Variants in IQUB observed in about 807,000 individuals in gnomAD.
The protein encoded by IQUB is IQ motif and ubiquitin-like domain-containing protein.
In IQUB, 86 loss-of-function variants were observed where a neutral mutation model predicts 86.4. The ratio of observed to expected loss-of-function variants is 1.00; its 90% CI spans 0.84 to 1.19. The LOEUF is 1.19. Among genes scored for constraint, IQUB ranks in the 50% most tolerant of loss-of-function variants. The probability of loss-of-function intolerance (pLI) is 0.00; values close to 1 mark genes in which losing one functional copy is unlikely to be tolerated. For missense variants in IQUB, 946 were observed against 916.9 expected (o/e 1.03, Z -0.41); for synonymous variants, 289 against 304.5 (o/e 0.95, Z 0.53).
At chr7:123,469,959 C>T (rs757734042) in intron 8 of IQUB, among the ~76,000 whole-genome samples, 39 of 152,250 alleles carry the variant, frequency 2.6e-4, no homozygotes, top group African/African-American at 5.1e-4. Flanking sequence ...GTGGTTCCTG[C>T]CTCCCTGATG....
At chr7:123,523,453 G>A (rs1797012084) in intron 1 of IQUB, among the ~76,000 whole-genome samples, 1 of 152,190 alleles carries the variant, frequency 6.6e-6, no homozygotes, top group Non-Finnish European at 1.5e-5. Context: ...CTGATGGCCA[G>A]TGATGTTGAG....
chr7:123,513,295 T>C (rs1796509790), intron 1 of IQUB, among the ~76,000 whole-genome samples: 1 of 152,258 alleles, frequency 6.6e-6, no homozygotes, highest in Admixed American at 6.5e-5. Flanking sequence ...GAATAAGCTA[T>C]ACAAGATTAG....
chr7:123,483,796 T>A (rs1313980107), intron 7 of IQUB, among the ~76,000 whole-genome samples: 2 of 152,110 alleles, frequency 1.3e-5, no homozygotes, highest in Non-Finnish European at 2.9e-5. Context: ...ACCCTTGGTC[T>A]TCCATTATAT....
At chr7:123,468,697 C>A (rs1794375336) in intron 9 of IQUB, among the ~76,000 whole-genome samples, 1 of 152,184 alleles carries the variant, frequency 6.6e-6, no homozygotes, top group African/African-American at 2.4e-5. Context: ...TTCTCTACTG[C>A]CTCACAGGAA....
At chr7:123,481,914 A>G (rs1052420514) in intron 7 of IQUB, among the ~76,000 whole-genome samples, 1 of 152,114 alleles carries the variant, frequency 6.6e-6, no homozygotes, top group South Asian at 2.1e-4. Flanking sequence ...GATTATACAG[A>G]TATTTTTCTG....
intron 7 of IQUB, 113 bp from the exon 8 acceptor site, chr7:123,480,083 A>G (rs568226825): frequency 4.0e-6 from 3 of 759,022 alleles, no homozygotes; most frequent in East Asian, 2.8e-5. Flanking sequence ...GTATACACAG[A>G]TAGAATCATT....
chr7:123,475,234 T>G (rs1325711489), intron 8 of IQUB, among the ~76,000 whole-genome samples: 1 of 152,172 alleles, frequency 6.6e-6, no homozygotes, highest in Non-Finnish European at 1.5e-5. Flanking sequence ...CAATTCTTTC[T>G]GTACTCAGGA....
intron 7 of IQUB, among the ~76,000 whole-genome samples, chr7:123,490,541 T>G (rs1452772645): frequency 6.6e-6 from 1 of 152,240 alleles, no homozygotes; most frequent in African/African-American, 2.4e-5. Context: ...TCAATTAACT[T>G]GATCTAATGG....
chr7:123,495,541 A>G (rs1221568132), intron 7 of IQUB, among the ~76,000 whole-genome samples: 1 of 152,164 alleles, frequency 6.6e-6, no homozygotes, highest in Non-Finnish European at 1.5e-5. Flanking sequence ...ATAATCAGAG[A>G]GAGGTCAAAA....
At chr7:123,464,781 A>C in intron 10 of IQUB, 52 bp downstream of exon 10, 1 of 1,258,402 alleles carries the variant, frequency 7.9e-7, no homozygotes, top group Non-Finnish European at 1.1e-6. Flanking sequence ...TCAATTTACT[A>C]TACCACATCT....
rs1418495752 is a variant in IQUB at position 123,493,721 on chromosome 7, ATGTGTGTGTATGTGTGTGTG to A, written c.1234+2955_1234+2974del. Among the ~76,000 whole-genome samples, 147 of 128,408 alleles carry A rather than the reference ATGTGTGTGTATGTGTGTGTG, an allele frequency of 1.1e-3. 2 individuals are homozygous for A. The highest frequency in any genetic ancestry group is 2.0e-3 in the Non-Finnish European group (119 of 60,506). The allele number at this position is 128,408 out of a possible 152,430, so 84.2% of individuals were successfully genotyped here. ...CTGCTAGGTTTACACCCTGAGAGAA[ATGTGTGTGTATGTGTGTGTG>A]TGTGTGTGTGTGTGTGTGTGTGTGT... is the stretch of plus-strand genomic sequence containing the variant. On this transcript the variant is annotated intron_variant, in intron 7 of 12. Transcript: ENST00000324698.
At chr7:123,510,930 T>A (rs1250239736) in intron 2 of IQUB, among the ~76,000 whole-genome samples, 1 of 152,140 alleles carries the variant, frequency 6.6e-6, no homozygotes, top group African/African-American at 2.4e-5. Context: ...AAGGGATTTG[T>A]GAAGTTCAGG....
chr7:123,501,826 T>G (rs140844734), intron 6 of IQUB: 4 of 152,194 alleles, frequency 2.6e-5, no homozygotes, highest in Admixed American at 2.6e-4. Context: ...CAAACTTCAC[T>G]CTTCCCCAAA....
At chr7:123,483,983 C>T (rs1484962992) in intron 7 of IQUB, among the ~76,000 whole-genome samples, 1 of 151,928 alleles carries the variant, frequency 6.6e-6, no homozygotes, top group South Asian at 2.1e-4. Context: ...TATCTGAGGC[C>T]ACAAGTATTG....
At chr7:123,455,236 C>T (rs1223359807) in intron 12 of IQUB, among the ~76,000 whole-genome samples, 1 of 152,008 alleles carries the variant, frequency 6.6e-6, no homozygotes, top group Admixed American at 6.6e-5. Flanking sequence ...GTGCTGGGAA[C>T]ATTCGATATG....
At position 123,457,525 on chromosome 7, in the gene IQUB, G is replaced by A; in HGVS notation, c.2049C>T (p.Ser683=). Residue 683 remains serine, a synonymous_variant, in exon 12 of 13, where the codon TCC becomes TCT. Transcript: ENST00000324698. ...IQYLTENIWA[S]QSVLSACDNL... ...TGTCGCAAGCACTGAGGACTGACTG[G>A]GACGCCCAGATGTTCTCTGTCAGGT... The A allele has an allele frequency of 6.2e-7, 1 of 1,608,440 alleles. No individual in the cohort carries two copies. The highest frequency in any genetic ancestry group is 1.1e-5 in the South Asian group (1 of 89,946).
chr7:123,507,545 T>A (rs974555931), intron 3 of IQUB, among the ~76,000 whole-genome samples: 1 of 152,160 alleles, frequency 6.6e-6, no homozygotes, highest in Non-Finnish European at 1.5e-5. Flanking sequence ...CATTCTAAGA[T>A]CTTTGAGTTT....
At chr7:123,478,854 C>G (rs1245719362) in intron 8 of IQUB, among the ~76,000 whole-genome samples, 2 of 152,018 alleles carry the variant, frequency 1.3e-5, no homozygotes. Flanking sequence ...TAGGGTTCAT[C>G]ATGTCTCCTT....
chr7:123,516,731 A>G (rs1421368336), intron 1 of IQUB, among the ~76,000 whole-genome samples: 1 of 152,140 alleles, frequency 6.6e-6, no homozygotes, highest in Non-Finnish European at 1.5e-5. Context: ...TCAATGTATT[A>G]TTTTTAATAT....
Sources: allele counts gnomAD v4.1 joint callset (sites outside exome capture counted in the v4.1 genomes callset), GRCh38; gene constraint gnomAD v4.1.1; transcripts MANE v1.5; gene names NCBI Gene and HGNC (gene_info 2026-07-23, HGNC 2026-07-21).